RYR3: variants seen among roughly 807,000 people sequenced by gnomAD.
RYR3 encodes brain ryanodine receptor-calcium release channel.
A neutral mutation model predicts 584.3 loss-of-function variants in RYR3; 207 were observed. The observed-to-expected ratio is 0.35, with a 90% CI of 0.32 to 0.40. RYR3 has a LOEUF of 0.40. Among genes scored for constraint, RYR3 ranks in the 10% least tolerant of loss-of-function variants. The pLI is 1.00. For synonymous variants in RYR3, 2,416 were observed against 2,248.5 expected (o/e 1.07, Z -2.11); for missense variants, 5,616 against 6,089.2 (o/e 0.92, Z 2.59).
intron 88 of RYR3, among the ~76,000 whole-genome samples, chr15:33,837,349 T>C (rs1185798091): frequency 6.6e-6 from 1 of 152,176 alleles, no homozygotes; most frequent in Non-Finnish European, 1.5e-5. Context: ...GGACACCATG[T>C]ATCCCTATGT....
chr15:33,514,885 TC>T (rs769359684), intron 3 of RYR3, among the ~76,000 whole-genome samples: 94 of 152,070 alleles, frequency 6.2e-4, no homozygotes, highest in Non-Finnish European at 1.0e-3. Context: ...GCGCCTGTAG[TC>T]CCAGCTACTT....
chr15:33,635,551 A>AT (rs779254012), intron 25 of RYR3, 63 bp from the exon 26 acceptor site: 281 of 1,270,460 alleles, frequency 2.2e-4, no homozygotes, highest in Non-Finnish European at 3.1e-4. Context: ...CTACCTAATT[A>AT]TTGAAGGTCT....
chr15:33,865,017 C>A (rs192590911), intron 103 of RYR3, 114 bp from the exon 104 acceptor site: 231 of 715,628 alleles, frequency 3.2e-4, no homozygotes, highest in Non-Finnish European at 4.5e-4. Context: ...CAGGTTTGGC[C>A]TCATATAAAT....
chr15:33,424,297 C>T (rs776200649), intron 1 of RYR3, among the ~76,000 whole-genome samples: 6 of 152,304 alleles, frequency 3.9e-5, no homozygotes, highest in Admixed American at 6.5e-5. Context: ...ATTGTGAAGA[C>T]AAGACAGGTC....
intron 86 of RYR3, among the ~76,000 whole-genome samples, chr15:33,834,323 C>T (rs553988470): frequency 1.6e-4 from 18 of 109,106 alleles, no homozygotes; most frequent in African/African-American, 6.2e-4. Flanking sequence ...CACACACACA[C>T]AGTGAGATTA....
At chr15:33,371,591 T>C (rs570292461) in intron 1 of RYR3, among the ~76,000 whole-genome samples, 1 of 152,100 alleles carries the variant, frequency 6.6e-6, no homozygotes, top group South Asian at 2.1e-4. Context: ...GTCCATGGGG[T>C]TTATAATCAT....
chr15:33,362,049 C>T (rs1974840103), intron 1 of RYR3, among the ~76,000 whole-genome samples: 1 of 152,160 alleles, frequency 6.6e-6, no homozygotes, highest in Non-Finnish European at 1.5e-5. Flanking sequence ...GCCACTCACC[C>T]ATTGCCAGGC....
intron 64 of RYR3, among the ~76,000 whole-genome samples, chr15:33,778,694 A>G (rs2074187420): frequency 1.3e-5 from 2 of 152,240 alleles, no homozygotes; most frequent in Admixed American, 1.3e-4. Flanking sequence ...TCTGGGCAGC[A>G]TTGATACACA....
intron 1 of RYR3, among the ~76,000 whole-genome samples, chr15:33,378,301 C>G (rs957054872): frequency 3.9e-5 from 6 of 152,176 alleles, no homozygotes; most frequent in African/African-American, 1.4e-4. Flanking sequence ...ACCAGAACAT[C>G]CAAACTGAAA....
chr15:33,649,102 G>A lies in RYR3; in HGVS notation c.4009G>A (p.Gly1337Arg). The change falls in exon 31 of 104, where the codon GGA becomes AGA. Residue 1337 changes from glycine (G) to arginine (R), a missense_variant. Physicochemically the swap from Gly to Arg is moderately radical, Grantham distance 125. Coordinates refer to ENST00000634891, the MANE Select transcript of RYR3 (RefSeq NM_001036.6). ...CTACTACGCCATCCGCATCTTTGCT[G>A]GACAGGATCCATCCTGTGTCTGGGT... ...QCYYAIRIFAGQDPSCVWVGW... is the reference protein window; with the variant it reads ...QCYYAIRIFARQDPSCVWVGW... The A allele has an allele frequency of 1.9e-6, 3 of 1,613,668 alleles. No homozygotes were observed. Among genetic ancestry groups the A allele is most frequent in the Non-Finnish European group, 8.5e-7 (1 of 1,179,860 alleles).
At chr15:33,648,594 A>G (rs918834932) in intron 30 of RYR3, among the ~76,000 whole-genome samples, 2 of 152,304 alleles carry the variant, frequency 1.3e-5, no homozygotes, top group Non-Finnish European at 2.9e-5. Context: ...ACTTTCCAGA[A>G]AAAAGCACTA....
chr15:33,826,221 T>TA (rs1315621490), intron 82 of RYR3, 31 bp from the exon 83 acceptor site: 1 of 1,611,084 alleles, frequency 6.2e-7, no homozygotes, highest in African/African-American at 1.3e-5. Context: ...TTTTCTTACT[T>TA]TCTATTCTTC....
At chr15:33,549,268 T>C (rs2141232686) in intron 9 of RYR3, among the ~76,000 whole-genome samples, 1 of 152,328 alleles carries the variant, frequency 6.6e-6, no homozygotes, top group South Asian at 2.1e-4. Flanking sequence ...AATAAGTATG[T>C]ATGCGTACTT....
intron 97 of RYR3, 138 bp from the exon 98 acceptor site, chr15:33,854,628 A>ATCT: frequency 8.4e-7 from 1 of 1,192,486 alleles, no homozygotes; most frequent in Non-Finnish European, 1.2e-6. Flanking sequence ...CACTTAGCAG[A>ATCT]TCTTGGGCCA....
At chr15:33,860,776 T>A in intron 101 of RYR3, 117 bp downstream of exon 101, 1 of 812,338 alleles carries the variant, frequency 1.2e-6, no homozygotes, top group African/African-American at 1.8e-5. Flanking sequence ...AGAACGCAGT[T>A]TGTTTTCCAT....
At chr15:33,388,671 T>C (rs1052601191) in intron 1 of RYR3, among the ~76,000 whole-genome samples, 21 of 152,220 alleles carry the variant, frequency 1.4e-4, no homozygotes, top group African/African-American at 5.1e-4. Context: ...ACAGTAGTTA[T>C]GGAGTCATCA....
chr15:33,765,733 A>G (rs979882969), intron 60 of RYR3, among the ~76,000 whole-genome samples: 1 of 152,190 alleles, frequency 6.6e-6, no homozygotes, highest in Non-Finnish European at 1.5e-5. Flanking sequence ...CAGCCATTAA[A>G]TATCACCATC....
At chr15:33,811,970 T>C (rs376179189) in intron 72 of RYR3, among the ~76,000 whole-genome samples, 57 of 151,504 alleles carry the variant, frequency 3.8e-4, no homozygotes, top group African/African-American at 1.2e-3. Flanking sequence ...CCCAAACATA[T>C]AGGAATGGTG....
intron 77 of RYR3, among the ~76,000 whole-genome samples, chr15:33,820,332 G>A (rs1225145836): frequency 1.3e-5 from 2 of 152,180 alleles, no homozygotes; most frequent in African/African-American, 2.4e-5. Flanking sequence ...GTACCACAGG[G>A]CCCCAGTGGG....
Sources: gnomAD v4.1 joint callset for allele counts (sites outside exome capture counted in the v4.1 genomes callset) on GRCh38, gnomAD v4.1.1 for gene constraint, MANE v1.5 for transcripts, NCBI Gene and HGNC (gene_info 2026-07-23, HGNC 2026-07-21) for gene names.